COG6: variants seen among roughly 807,000 people sequenced by gnomAD.
The protein encoded by COG6 is conserved oligomeric Golgi complex subunit 6.
In COG6, 74 loss-of-function variants were observed where a neutral mutation model predicts 88.8. That is an observed-to-expected ratio of 0.83 (90% confidence interval 0.69 to 1.01). The LOEUF (loss-of-function observed/expected upper bound fraction) is 1.01, where lower values mean the gene tolerates loss of function less well. Ranked by LOEUF, COG6 falls within the 50% of genes least tolerant of loss-of-function variation. The pLI is 0.00. For synonymous variants in COG6, 286 were observed against 278.7 expected (o/e 1.03, Z -0.26); for missense variants, 800 against 797.9 (o/e 1.00, Z -0.03).
chr13:39,753,274 A>T (rs1414138790), downstream of COG6, among the ~76,000 whole-genome samples: 1 of 152,194 alleles, frequency 6.6e-6, no homozygotes, highest in Non-Finnish European at 1.5e-5. Context: ...ATGTGACGTT[A>T]CAGTGAGAAG....
At chr13:39,754,513 A>G (rs1880769364), downstream of COG6, among the ~76,000 whole-genome samples, 1 of 152,206 alleles carries the variant, frequency 6.6e-6, no homozygotes, top group Non-Finnish European at 1.5e-5. Context: ...TTCTTATGCT[A>G]GGTTGTTAGT....
intron 13 of COG6, among the ~76,000 whole-genome samples, chr13:39,718,218 T>C (rs1262993213): frequency 6.6e-6 from 1 of 152,090 alleles, no homozygotes; most frequent in Non-Finnish European, 1.5e-5. Flanking sequence ...GGAGAGAGTA[T>C]TTTTGGACAT....
downstream of COG6, among the ~76,000 whole-genome samples, chr13:39,754,314 G>GTACAGCAGTGAGAA (rs1333341865): frequency 1.8e-4 from 27 of 152,260 alleles, no homozygotes; most frequent in African/African-American, 6.3e-4. Context: ...ATATGATGGA[G>GTACAGCAGTGAGAA]TACAGCAGTG....
chr13:39,742,894 A>C (rs1880127872), intron 18 of COG6, among the ~76,000 whole-genome samples: 1 of 152,186 alleles, frequency 6.6e-6, no homozygotes, highest in Non-Finnish European at 1.5e-5. Context: ...CAGAAATCAC[A>C]ACAAACTGTC....
Position 39,672,233 on chromosome 13 carries a change from A to C in COG6, c.429-5235A>C, listed in dbSNP as rs1014369283. Among the ~76,000 whole-genome samples, 3 of 152,032 alleles carry C rather than the reference A, an allele frequency of 2.0e-5. No homozygotes were observed. In the South Asian group the frequency reaches 6.2e-4, roughly 31 times the overall value. ...TTTGTACAGTTATAATAATACATGT[A>C]ATTGTAATTCAAAAGGTAGATCCTT... On this transcript the variant is annotated intron_variant, in intron 4 of 18. Coordinates refer to ENST00000455146, the MANE Select transcript of COG6 (RefSeq NM_020751.3).
intron 13 of COG6, among the ~76,000 whole-genome samples, chr13:39,709,546 G>A (rs112309821): frequency 3.2e-4 from 45 of 142,850 alleles, no homozygotes; most frequent in African/African-American, 1.1e-3. Context: ...TGCAATATTT[G>A]ACTTTGTTTA....
rs540833767 is a variant in COG6 at position 39,670,849 on chromosome 13, T to C, written c.428+5695T>C. ...TTTAATAGTTTTAATTTATTTTTAT[T>C]GCATTGTAAACTACTTTAACTCAGG... On this transcript the variant is annotated intron_variant, in intron 4 of 18. Transcript: ENST00000455146. 2.6e-5 allele frequency among the ~76,000 whole-genome samples: 4 copies of C among 152,238 alleles called. No individual in the cohort carries two copies. In the East Asian group the frequency reaches 7.7e-4, roughly 29 times the overall value.
intron 18 of COG6, among the ~76,000 whole-genome samples, chr13:39,746,207 A>G (rs1405303234): frequency 2.0e-5 from 3 of 151,810 alleles, no homozygotes; most frequent in African/African-American, 7.3e-5. Flanking sequence ...TGTTGTGCAC[A>G]TGTACCCTAG....
At chr13:39,683,813 G>A (rs935597344) in intron 8 of COG6, among the ~76,000 whole-genome samples, 3 of 151,614 alleles carry the variant, frequency 2.0e-5, no homozygotes, top group Admixed American at 6.6e-5. Flanking sequence ...CTTCTGCCAT[G>A]CAAATAAATT....
chr13:39,778,729 T>G (rs1437197596), intron 18 of COG6, among the ~76,000 whole-genome samples: 2 of 152,196 alleles, frequency 1.3e-5, no homozygotes, highest in South Asian at 2.1e-4. Flanking sequence ...CTATCATGGT[T>G]GTTGTCATCT....
intron 4 of COG6, among the ~76,000 whole-genome samples, chr13:39,665,419 T>C (rs1333306129): frequency 1.3e-5 from 2 of 152,190 alleles, no homozygotes; most frequent in Non-Finnish European, 2.9e-5. Context: ...AGTTCAGAAA[T>C]GATGCTTTTT....
chr13:39,705,059 C>G (rs758679217), intron 13 of COG6, among the ~76,000 whole-genome samples: 1 of 152,010 alleles, frequency 6.6e-6, no homozygotes, highest in Non-Finnish European at 1.5e-5. Context: ...TTTACTTATT[C>G]TGCTTCTTGT....
At chr13:39,729,926 G>A (rs1221703961) in intron 18 of COG6, among the ~76,000 whole-genome samples, 1 of 152,164 alleles carries the variant, frequency 6.6e-6, no homozygotes, top group Non-Finnish European at 1.5e-5. Flanking sequence ...TGAGTATTGT[G>A]TATGGATCTA....
At chr13:39,669,926 CTG>C (rs1180263816) in intron 4 of COG6, among the ~76,000 whole-genome samples, 1 of 152,054 alleles carries the variant, frequency 6.6e-6, no homozygotes, top group African/African-American at 2.4e-5. Context: ...TAACAGGTCT[CTG>C]GGGGCTGGCA....
chr13:39,675,674 T>C (rs1293691330), intron 4 of COG6, among the ~76,000 whole-genome samples: 3 of 152,242 alleles, frequency 2.0e-5, no homozygotes, highest in Non-Finnish European at 4.4e-5. Context: ...GTGGGTAGCA[T>C]TTGTTTTGGT....
chr13:39,743,282 A>G (rs1880150576), intron 18 of COG6, among the ~76,000 whole-genome samples: 1 of 152,174 alleles, frequency 6.6e-6, no homozygotes, highest in Non-Finnish European at 1.5e-5. Context: ...ATAGAGACAC[A>G]AAAAACCCTT....
chr13:39,757,621 A>G (rs1326828927), downstream of COG6, among the ~76,000 whole-genome samples: 2 of 152,150 alleles, frequency 1.3e-5, no homozygotes, highest in Admixed American at 1.3e-4. Flanking sequence ...ACATTACTGA[A>G]CTTACAGAAA....
At chr13:39,700,361 ATCTTCACTTTCCTAAGTTCAG>A (rs1471445529) in intron 13 of COG6, among the ~76,000 whole-genome samples, 10 of 151,866 alleles carry the variant, frequency 6.6e-5, no homozygotes, top group Non-Finnish European at 1.3e-4. Context: ...TACGTGGTCA[ATCTTCACTTTCCTAAGTTCAG>A]TCTTCACTTT....
intron 18 of COG6, among the ~76,000 whole-genome samples, chr13:39,758,400 A>G (rs1022836458): frequency 2.6e-5 from 4 of 152,124 alleles, no homozygotes; most frequent in Non-Finnish European, 5.9e-5. Context: ...GAAAAACAAA[A>G]CAAAAGACAA....
Sources: allele counts gnomAD v4.1 joint callset (sites outside exome capture counted in the v4.1 genomes callset), GRCh38; gene constraint gnomAD v4.1.1; transcripts MANE v1.5; gene names NCBI Gene and HGNC (gene_info 2026-07-23, HGNC 2026-07-21).